Variants in GRIK2 observed in about 807,000 individuals in gnomAD.
GRIK2 encodes the protein glutamate ionotropic receptor kainate type subunit 2, also known as glutamate receptor ionotropic, kainate 2.
A neutral mutation model predicts 100.3 loss-of-function variants in GRIK2; 32 were observed. The observed-to-expected ratio is 0.32, with a 90% confidence interval of 0.24 to 0.43. The LOEUF (loss-of-function observed/expected upper bound fraction) is 0.43, where lower values mean the gene tolerates loss of function less well. Among genes scored for constraint, GRIK2 ranks in the 20% least tolerant of loss-of-function variants. The probability of loss-of-function intolerance (pLI) is 1.00; values close to 1 mark genes in which losing one functional copy is unlikely to be tolerated. For missense variants in GRIK2, 843 were observed against 1,114.9 expected, an observed-to-expected ratio of 0.76 and a Z score of 3.47; for synonymous variants, 417 against 389.4, an observed-to-expected ratio of 1.07 and a Z score of -0.83.
At chr6:101,705,798 T>C (rs1337413) in intron 7 of GRIK2, among the ~76,000 whole-genome samples, 11,287 of 151,934 alleles carry the variant, frequency 0.074, 1,361 homozygotes, top group African/African-American at 0.26. Flanking sequence ...TTTCTATCAG[T>C]TTTGATACTT....
intron 11 of GRIK2, among the ~76,000 whole-genome samples, chr6:101,873,666 G>A (rs909590909): frequency 2.0e-5 from 3 of 151,920 alleles, no homozygotes; most frequent in African/African-American, 4.8e-5. Context: ...TTGAGGAATT[G>A]CCACACTGTC....
At chr6:101,460,829 AT>A (rs992264333) in intron 2 of GRIK2, among the ~76,000 whole-genome samples, 6 of 151,950 alleles carry the variant, frequency 3.9e-5, no homozygotes, top group African/African-American at 7.3e-5. Flanking sequence ...ACAATCAGTC[AT>A]TTTTTTTCTT....
chr6:101,497,820 T>C (rs1377244264), intron 2 of GRIK2, among the ~76,000 whole-genome samples: 1 of 152,054 alleles, frequency 6.6e-6, no homozygotes, highest in African/African-American at 2.4e-5. Context: ...GCTTATTGAA[T>C]ATTCCAAATT....
intron 10 of GRIK2, among the ~76,000 whole-genome samples, chr6:101,843,680 T>C (rs140913605): frequency 3.6e-4 from 55 of 152,234 alleles, no homozygotes; most frequent in Admixed American, 5.2e-4. Context: ...TATAATCACA[T>C]AGGAAGTTGT....
chr6:101,961,270 A>C (rs1475402149), intron 14 of GRIK2, among the ~76,000 whole-genome samples: 2 of 152,060 alleles, frequency 1.3e-5, no homozygotes, highest in African/African-American at 4.8e-5. Context: ...TCTTTCCTCA[A>C]CCCCAAACAG....
intron 2 of GRIK2, among the ~76,000 whole-genome samples, chr6:101,548,986 G>C (rs1776381828): frequency 6.6e-6 from 1 of 152,130 alleles, no homozygotes; most frequent in African/African-American, 2.4e-5. Flanking sequence ...GAAGAGGCCA[G>C]ATGGTTATTG....
chr6:101,496,220 T>C (rs1444635550), intron 2 of GRIK2, among the ~76,000 whole-genome samples: 2 of 152,152 alleles, frequency 1.3e-5, no homozygotes. Flanking sequence ...GTGCTGGGGT[T>C]ACAGGCGTGA....
At chr6:101,892,145 CTG>C (rs1787146860) in intron 12 of GRIK2, among the ~76,000 whole-genome samples, 1 of 152,004 alleles carries the variant, frequency 6.6e-6, no homozygotes, top group Non-Finnish European at 1.5e-5. Context: ...TTCGAGGTAA[CTG>C]TGTGGGCATT....
At chr6:101,699,437 A>G (rs757577611) in intron 7 of GRIK2, among the ~76,000 whole-genome samples, 44 of 152,048 alleles carry the variant, frequency 2.9e-4, no homozygotes, top group Non-Finnish European at 5.1e-4. Flanking sequence ...TAGGACCCCC[A>G]TATCAGTCAA....
intron 14 of GRIK2, among the ~76,000 whole-genome samples, chr6:101,942,993 C>A (rs1791049711): frequency 1.3e-4 from 20 of 152,216 alleles, no homozygotes; most frequent in Admixed American, 1.3e-3. Context: ...AGCAGCTCCT[C>A]CCTTCGCAGG....
intron 12 of GRIK2, among the ~76,000 whole-genome samples, chr6:101,922,789 A>G (rs1472001143): frequency 1.3e-5 from 2 of 152,210 alleles, no homozygotes; most frequent in South Asian, 2.1e-4. Flanking sequence ...CTCATGAGCA[A>G]TCAATGTTTT....
At chr6:101,583,332 C>G (rs1022420090) in intron 2 of GRIK2, among the ~76,000 whole-genome samples, 1 of 152,104 alleles carries the variant, frequency 6.6e-6, no homozygotes, top group Non-Finnish European at 1.5e-5. Flanking sequence ...TGCACCAACT[C>G]CAGCTCTTAG....
At chr6:101,655,121 C>T (rs901461315) in intron 4 of GRIK2, among the ~76,000 whole-genome samples, 10 of 152,106 alleles carry the variant, frequency 6.6e-5, no homozygotes, top group African/African-American at 2.4e-4. Context: ...TTTTAAGGTA[C>T]TCATTTAATA....
chr6:101,735,923 C>T (rs539783158), intron 7 of GRIK2, among the ~76,000 whole-genome samples: 1 of 152,314 alleles, frequency 6.6e-6, no homozygotes, highest in South Asian at 2.1e-4. Flanking sequence ...ACATCAAAAG[C>T]AAGTTTGTTA....
chr6:101,968,427 C>G (rs1286977480), intron 14 of GRIK2, among the ~76,000 whole-genome samples: 1 of 151,914 alleles, frequency 6.6e-6, no homozygotes, highest in Non-Finnish European at 1.5e-5. Flanking sequence ...GCATTAGTGT[C>G]AGTTTTTTAC....
chr6:101,650,732 T>C (rs1781745944), intron 4 of GRIK2, among the ~76,000 whole-genome samples: 1 of 152,160 alleles, frequency 6.6e-6, no homozygotes, highest in Admixed American at 6.6e-5. Flanking sequence ...CTTTTTCTTT[T>C]GTTTCTAAGG....
chr6:101,406,050 T>C (rs1775578327), intron 2 of GRIK2, among the ~76,000 whole-genome samples: 1 of 152,122 alleles, frequency 6.6e-6, no homozygotes, highest in Non-Finnish European at 1.5e-5. Context: ...CCCTCACATC[T>C]CTTTGATCAC....
chr6:101,447,864 A>G (rs1176706657), intron 2 of GRIK2, among the ~76,000 whole-genome samples: 1 of 151,720 alleles, frequency 6.6e-6, no homozygotes, highest in Non-Finnish European at 1.5e-5. Context: ...AAGCCATTCT[A>G]TAGTGTAGTT....
chr6:101,606,215 T>A (rs2207956), intron 2 of GRIK2, among the ~76,000 whole-genome samples: 1 of 151,842 alleles, frequency 6.6e-6, no homozygotes. Context: ...GGTGCTGTAA[T>A]ATTACTTTCT....
Sources: allele counts gnomAD v4.1 joint callset (sites outside exome capture counted in the v4.1 genomes callset), GRCh38; gene constraint gnomAD v4.1.1; transcripts MANE v1.5; gene names NCBI Gene and HGNC (gene_info 2026-07-23, HGNC 2026-07-21).